The following L3MBTL4 variants were observed in gnomAD, a reference collection of about 807,000 sequenced individuals.
The protein encoded by L3MBTL4 is L3MBTL histone methyl-lysine binding protein 4, also known as lethal(3)malignant brain tumor-like protein 4.
L3MBTL4 carries 70 observed loss-of-function variants against 84.5 expected under a neutral mutation model. The ratio of observed to expected loss-of-function variants is 0.83; its 90% CI spans 0.68 to 1.01. The LOEUF (loss-of-function observed/expected upper bound fraction) is 1.01. L3MBTL4 is among the 50% of genes least tolerant of loss of function. The probability of loss-of-function intolerance (pLI) is 0.00; values close to 1 mark genes in which losing one functional copy is unlikely to be tolerated. For synonymous variants in L3MBTL4, 274 were observed against 259.8 expected (o/e 1.05, Z -0.52); for missense variants, 715 against 754.8 (o/e 0.95, Z 0.62).
chr18:6,392,847 C>A (rs2144545466), intron 1 of L3MBTL4, among the ~76,000 whole-genome samples: 1 of 152,232 alleles, frequency 6.6e-6, no homozygotes, highest in South Asian at 2.1e-4. Context: ...CATATCTTCT[C>A]ATTTATAAGT....
At chr18:6,269,435 T>C (rs1335299652) in intron 4 of L3MBTL4, among the ~76,000 whole-genome samples, 2 of 152,012 alleles carry the variant, frequency 1.3e-5, no homozygotes, top group African/African-American at 4.8e-5. Flanking sequence ...CCAGCTTGGG[T>C]GACGGAGCGA....
chr18:5,974,528 C>A (rs2052806438), intron 16 of L3MBTL4, among the ~76,000 whole-genome samples: 1 of 152,154 alleles, frequency 6.6e-6, no homozygotes, highest in Non-Finnish European at 1.5e-5. Flanking sequence ...CAGGGGAAGG[C>A]CAATTTTTCC....
At chr18:6,284,845 TAGG>T (rs1274458618) in intron 4 of L3MBTL4, among the ~76,000 whole-genome samples, 2 of 151,924 alleles carry the variant, frequency 1.3e-5, no homozygotes, top group Non-Finnish European at 2.9e-5. Context: ...CCCAAACTGG[TAGG>T]AGGGCATCTG....
chr18:6,367,320 A>G (rs978495201), intron 1 of L3MBTL4: 1 of 152,216 alleles, frequency 6.6e-6, no homozygotes, highest in Non-Finnish European at 1.5e-5. Context: ...CATTGCCATT[A>G]CCTCACTTTA....
At chr18:6,162,989 T>C (rs765690540) in intron 13 of L3MBTL4, among the ~76,000 whole-genome samples, 5 of 152,098 alleles carry the variant, frequency 3.3e-5, no homozygotes, top group Non-Finnish European at 5.9e-5. Flanking sequence ...GTTGATAGGA[T>C]ACTCCATGCC....
chr18:6,277,229 T>C (rs2049122668), intron 4 of L3MBTL4, among the ~76,000 whole-genome samples: 3 of 151,930 alleles, frequency 2.0e-5, no homozygotes, highest in African/African-American at 7.2e-5. Flanking sequence ...ATGGCACATG[T>C]ATACATATGT....
Position 6,336,799 on chromosome 18 carries a change from G to C in L3MBTL4, c.-90-24743C>G, listed in dbSNP as rs576896892. Among the ~76,000 whole-genome samples the C allele has an allele frequency of 4.7e-4, 71 of 152,220 alleles. 1 individual carries two copies. Among genetic ancestry groups the C allele is most frequent in the Middle Eastern group, 3.4e-3 (1 of 294 alleles). ...GCCTAGCATTCAATAAAAAATTACA[G>C]GCGTAGTAAGAGGTAAGATAATATG... On this transcript the variant is annotated intron_variant, in intron 1 of 18. Coordinates refer to ENST00000317931, the MANE Select transcript of L3MBTL4 (RefSeq NM_001330559.2).
At chr18:6,208,116 AAAAT>A (rs71163265) in intron 12 of L3MBTL4, among the ~76,000 whole-genome samples, 5,313 of 144,448 alleles carry the variant, frequency 0.037, 117 homozygotes, top group Middle Eastern at 0.086. Flanking sequence ...CCCTGTCTAA[AAAAT>A]AAATAAATAA....
At chr18:6,151,985 T>C (rs1216580884) in intron 13 of L3MBTL4, among the ~76,000 whole-genome samples, 1 of 152,244 alleles carries the variant, frequency 6.6e-6, no homozygotes, top group East Asian at 1.9e-4. Context: ...ATACAGTATT[T>C]GTTTTTATGT....
chr18:5,988,334 T>A (rs1303241267), intron 16 of L3MBTL4, among the ~76,000 whole-genome samples: 2 of 152,220 alleles, frequency 1.3e-5, no homozygotes, highest in African/African-American at 4.8e-5. Context: ...GGATAACAGA[T>A]CATGAGATAA....
intron 1 of L3MBTL4, among the ~76,000 whole-genome samples, chr18:6,412,752 G>T (rs1481058229): frequency 6.6e-6 from 1 of 152,046 alleles, no homozygotes; most frequent in Non-Finnish European, 1.5e-5. Context: ...AGCAAAGGAG[G>T]CTTATTACCA....
At chr18:6,199,554 G>A (rs950526655) in intron 12 of L3MBTL4, among the ~76,000 whole-genome samples, 5 of 152,160 alleles carry the variant, frequency 3.3e-5, no homozygotes, top group Admixed American at 3.3e-4. Context: ...AGAATTTACT[G>A]CCTGGACAAG....
rs1307213551 is a variant in L3MBTL4 at position 6,171,823 on chromosome 18, C to T, written c.1096+5G>A. On this transcript the variant is annotated splice_donor_5th_base_variant and intron_variant, in intron 13 of 18. Transcript: ENST00000317931. ...AAAAGCAACAACAAAGAGCAAAGTA[C>T]TCACGCTGTGGCACTTCCAGTGGAT... 1.3e-6 allele frequency: 2 copies of T among 1,510,540 alleles called. No individual in the cohort carries two copies. The highest frequency in any genetic ancestry group is 1.2e-5 in the South Asian group (1 of 81,754). 93.6% of individuals were successfully genotyped at this position (1,510,540 alleles called of 1,614,324 possible).
chr18:6,390,374 G>T (rs926804732), intron 1 of L3MBTL4, among the ~76,000 whole-genome samples: 3 of 152,084 alleles, frequency 2.0e-5, no homozygotes, highest in Admixed American at 6.6e-5. Flanking sequence ...CAATCAAAAA[G>T]TCTGAAAGTT....
At chr18:6,151,077 C>T (rs571174459) in intron 13 of L3MBTL4, among the ~76,000 whole-genome samples, 2 of 152,174 alleles carry the variant, frequency 1.3e-5, no homozygotes, top group Admixed American at 6.5e-5. Context: ...GAAAACGGAT[C>T]CCCTTACTGG....
chr18:6,088,520 C>G (rs1050310971), intron 15 of L3MBTL4, among the ~76,000 whole-genome samples: 1 of 151,818 alleles, frequency 6.6e-6, no homozygotes, highest in Non-Finnish European at 1.5e-5. Context: ...AACAAAGGCA[C>G]AGTGCAGGAA....
At chr18:5,969,607 C>T in intron 16 of L3MBTL4, 45 bp from the exon 17 acceptor site, 1 of 1,552,558 alleles carries the variant, frequency 6.4e-7, no homozygotes, top group South Asian at 1.2e-5. Context: ...TCCCAGAGAG[C>T]AAGCACTGCT....
intron 16 of L3MBTL4, among the ~76,000 whole-genome samples, chr18:6,052,283 G>T (rs184261476): frequency 6.6e-6 from 1 of 152,124 alleles, no homozygotes; most frequent in Non-Finnish European, 1.5e-5. Context: ...TGGCATGGTC[G>T]CATGGATAAA....
chr18:6,304,954 T>G (rs1337114958), intron 3 of L3MBTL4, among the ~76,000 whole-genome samples: 1 of 152,212 alleles, frequency 6.6e-6, no homozygotes, highest in Non-Finnish European at 1.5e-5. Context: ...TGGTTCACAC[T>G]TCTGTATTTG....
Sources: allele counts gnomAD v4.1 joint callset (sites outside exome capture counted in the v4.1 genomes callset), GRCh38; gene constraint gnomAD v4.1.1; transcripts MANE v1.5; gene names NCBI Gene and HGNC (gene_info 2026-07-23, HGNC 2026-07-21).